The following CAMK1D variants were observed in gnomAD, a reference collection of about 807,000 sequenced individuals.
CAMK1D encodes the protein calcium/calmodulin dependent protein kinase ID.
CAMK1D carries 9 observed loss-of-function variants against 47.7 expected under a neutral mutation model. That is an observed-to-expected ratio of 0.19 (90% CI 0.11 to 0.33). CAMK1D has a LOEUF of 0.33. CAMK1D is among the 10% of genes least tolerant of loss of function. The pLI is 1.00. For synonymous variants in CAMK1D, 184 were observed against 184.9 expected, an observed-to-expected ratio of 0.99 and a Z score of 0.04; for missense variants, 291 against 488.7, an observed-to-expected ratio of 0.60 and a Z score of 3.81.
At chr10:12,621,104 A>C (rs1343957057) in intron 2 of CAMK1D, among the ~76,000 whole-genome samples, 1 of 152,166 alleles carries the variant, frequency 6.6e-6, no homozygotes, top group East Asian at 1.9e-4. Context: ...TTGGGCTTAG[A>C]CATATGGGTT....
intron 4 of CAMK1D, among the ~76,000 whole-genome samples, chr10:12,763,475 G>T (rs1263037384): frequency 6.6e-6 from 1 of 152,192 alleles, no homozygotes; most frequent in Admixed American, 6.5e-5. Flanking sequence ...TGAAGTGACT[G>T]AGACTGGAAG....
At chr10:12,629,748 C>A (rs1220368940) in intron 2 of CAMK1D, among the ~76,000 whole-genome samples, 1 of 152,216 alleles carries the variant, frequency 6.6e-6, no homozygotes, top group Non-Finnish European at 1.5e-5. Flanking sequence ...TTTCTCTGGG[C>A]TCAAGCCATT....
intron 3 of CAMK1D, among the ~76,000 whole-genome samples, chr10:12,684,655 G>A (rs181521310): frequency 1.1e-4 from 17 of 152,214 alleles, no homozygotes; most frequent in South Asian, 2.1e-4. Context: ...TCCTATAGCC[G>A]TGGTTGGTAA....
intron 2 of CAMK1D, among the ~76,000 whole-genome samples, chr10:12,650,641 C>T (rs1271513449): frequency 1.3e-5 from 2 of 152,188 alleles, no homozygotes; most frequent in African/African-American, 4.8e-5. Context: ...GGGACCATAA[C>T]AGACTGTGCC....
At chr10:12,623,427 C>CCCTCCCTCCGTCCCTCCCTT (rs1554798974) in intron 2 of CAMK1D, among the ~76,000 whole-genome samples, 2 of 1,832 alleles carry the variant, frequency 1.1e-3, no homozygotes, top group Admixed American at 9.4e-3. Flanking sequence ...TTTCCTTCCT[C>CCCTCCCTCCGTCCCTCCCTT]CCTCCCTCCC....
At chr10:12,575,753 T>C (rs970330611) in intron 2 of CAMK1D, among the ~76,000 whole-genome samples, 1 of 152,194 alleles carries the variant, frequency 6.6e-6, no homozygotes, top group African/African-American at 2.4e-5. Context: ...GAATTCGCGC[T>C]CCTCTGCCTT....
intron 1 of CAMK1D, among the ~76,000 whole-genome samples, chr10:12,433,920 T>C (rs190834858): frequency 6.6e-6 from 1 of 152,196 alleles, no homozygotes; most frequent in Non-Finnish European, 1.5e-5. Context: ...CTGTCTGGAT[T>C]TAGTTGCATC....
rs994428731 is a variant in CAMK1D, at chr10:12,357,559, G to A, written c.92+7649G>A. Among the ~76,000 whole-genome samples the A allele has an allele frequency of 9.9e-5, 15 of 152,174 alleles. 1 individual carries two copies. Among genetic ancestry groups the A allele is most frequent in the Admixed American group, 5.2e-4 (8 of 15,278 alleles). On this transcript the variant is annotated intron_variant, in intron 1 of 10. Transcript: ENST00000619168. ...TAAAACTTCTGACGCCAAGTGATCT[G>A]CTCACCTCAGCCTCACAAAGTGGTG...
In CAMK1D at chr10:12,457,553, C is replaced by T. The variant is rs186479231; in HGVS notation, c.93-95672C>T. 4.4e-3 allele frequency among the ~76,000 whole-genome samples: 662 copies of T among 151,836 alleles called. 6 individuals are homozygous for T. Among genetic ancestry groups the T allele is most frequent in the South Asian group, 0.04 (194 of 4,800 alleles). ...CTATAATCCCATGGGGAGGCCGAGACGGGTGGATCACGAAGTCAAGAGATT... is the reference window on the plus strand; with the variant it reads ...CTATAATCCCATGGGGAGGCCGAGATGGGTGGATCACGAAGTCAAGAGATT... On this transcript the variant is annotated intron_variant, in intron 1 of 10. Transcript: ENST00000619168.
chr10:12,387,758 A>G (rs1177766668), intron 1 of CAMK1D, among the ~76,000 whole-genome samples: 1 of 151,880 alleles, frequency 6.6e-6, no homozygotes, highest in Non-Finnish European at 1.5e-5. Context: ...CTAAAATGCT[A>G]GCATTACAGG....
chr10:12,701,742 A>G (rs775462991), intron 3 of CAMK1D, among the ~76,000 whole-genome samples: 13 of 152,206 alleles, frequency 8.5e-5, no homozygotes, highest in Non-Finnish European at 1.8e-4. Flanking sequence ...GCTTCTAGAA[A>G]GGAAATCTAT....
rs773722384 is a variant in CAMK1D at position 12,671,911 on chromosome 10, CTTTTTTTTTTTT to C, written c.299+5112_299+5123del. Among the ~76,000 whole-genome samples, 4 of 98,922 alleles carry C rather than the reference CTTTTTTTTTTTT, an allele frequency of 4.0e-5. No individual in the cohort carries two copies. In the Admixed American group the frequency reaches 4.2e-4, roughly 10 times the overall value. The allele number at this position is 98,922 out of a possible 152,430, so 64.9% of individuals were successfully genotyped here. On this transcript the variant is annotated intron_variant, in intron 3 of 10. Transcript: ENST00000619168. ...TATACTAAGAAGTTATCACCTAATT[CTTTTTTTTTTTT>C]TTTTTTTTTTAAGATGGAGTCTCAG...
intron 2 of CAMK1D, among the ~76,000 whole-genome samples, chr10:12,654,701 A>G (rs1346477575): frequency 6.6e-6 from 1 of 152,206 alleles, no homozygotes; most frequent in Non-Finnish European, 1.5e-5. Context: ...TCCTTAGGAC[A>G]CCCTGGATCT....
At chr10:12,787,237 G>C (rs527824837) in intron 5 of CAMK1D, among the ~76,000 whole-genome samples, 2 of 152,162 alleles carry the variant, frequency 1.3e-5, no homozygotes, top group East Asian at 3.8e-4. Flanking sequence ...CTTGCACCAC[G>C]GCCCAGTGTG....
At chr10:12,637,111 A>G (rs980050103) in intron 2 of CAMK1D, among the ~76,000 whole-genome samples, 2 of 152,130 alleles carry the variant, frequency 1.3e-5, no homozygotes, top group Non-Finnish European at 2.9e-5. Context: ...AGTTGGGATT[A>G]TAGATGTGCA....
At chr10:12,489,063 G>A (rs911420726) in intron 1 of CAMK1D, among the ~76,000 whole-genome samples, 2 of 152,128 alleles carry the variant, frequency 1.3e-5, no homozygotes, top group Admixed American at 6.5e-5. Flanking sequence ...AGTCTCCCGA[G>A]TAGCTGGGAC....
intron 3 of CAMK1D, among the ~76,000 whole-genome samples, chr10:12,738,888 A>G (rs536131085): frequency 2.6e-5 from 4 of 152,234 alleles, no homozygotes; most frequent in South Asian, 4.1e-4. Flanking sequence ...AGATTATGCA[A>G]ACTTCAAAAT....
intron 3 of CAMK1D, among the ~76,000 whole-genome samples, chr10:12,750,447 G>A (rs1835893025): frequency 6.6e-6 from 1 of 152,198 alleles, no homozygotes; most frequent in Non-Finnish European, 1.5e-5. Context: ...AAGTCACCAA[G>A]TCTTGTCTGC....
intron 1 of CAMK1D, among the ~76,000 whole-genome samples, chr10:12,355,884 C>G (rs777754307): frequency 1.3e-5 from 2 of 152,118 alleles, no homozygotes; most frequent in Admixed American, 1.3e-4. Context: ...AGGAACAGCA[C>G]GTTAGAAGCT....
Sources: allele counts gnomAD v4.1 joint callset (sites outside exome capture counted in the v4.1 genomes callset), GRCh38; gene constraint gnomAD v4.1.1; transcripts MANE v1.5; gene names NCBI Gene and HGNC (gene_info 2026-07-23, HGNC 2026-07-21).